Variants in YBX3 observed in about 807,000 individuals in gnomAD.
The protein encoded by YBX3 is Y-box binding protein 3.
In YBX3, 29 loss-of-function variants were observed where a neutral mutation model predicts 42.4. The observed-to-expected ratio is 0.68, with a 90% CI of 0.51 to 0.93. The LOEUF (loss-of-function observed/expected upper bound fraction) is 0.93, where lower values mean the gene tolerates loss of function less well. Among genes scored for constraint, YBX3 ranks in the 40% least tolerant of loss-of-function variants. The pLI is 0.00. For missense variants in YBX3, 517 were observed against 527.5 expected (o/e 0.98, Z 0.19); for synonymous variants, 195 against 189.8 (o/e 1.03, Z -0.22).
At chr12:10,722,266 G>A (rs1948335545) in intron 1 of YBX3, 1 of 152,278 alleles carries the variant, frequency 6.6e-6, no homozygotes, top group African/African-American at 2.4e-5. Context: ...GTGGCCAACA[G>A]GAGCATGGCG....
chr12:10,713,265 A>G lies in YBX3; in HGVS notation c.519T>C (p.Asp173=), dbSNP rs1449464611. The G allele has an allele frequency of 1.2e-6, 2 of 1,614,008 alleles. No individual in the cohort carries two copies. The highest frequency in any genetic ancestry group is 1.7e-6 in the Non-Finnish European group (2 of 1,180,010). ...VPVEGSRYAA[D]RRRYRRGYYG... is the part of the protein sequence containing the mutation. Reference sequence around the variant, plus strand: ...AGTAGCCACGTCTGTAACGGCGCCGATCTGCAGCGTAACGACTCCCTTCCA... The same window carrying G: ...AGTAGCCACGTCTGTAACGGCGCCGGTCTGCAGCGTAACGACTCCCTTCCA... The change falls in exon 5 of 10, where the codon GAT becomes GAC. Residue 173 remains aspartate, a synonymous_variant. Coordinates refer to ENST00000228251, the MANE Select transcript of YBX3 (RefSeq NM_003651.5).
chr12:10,711,123 T>C (rs985301112), intron 5 of YBX3: 2 of 152,070 alleles, frequency 1.3e-5, no homozygotes. Context: ...CTTATTAATA[T>C]TCACAAAGGA....
chr12:10,701,133 A>T, intron 9 of YBX3, 121 bp downstream of exon 9: 1 of 617,604 alleles, frequency 1.6e-6, no homozygotes. Context: ...GTCCCAATAG[A>T]GACAAGGGGT....
chr12:10,711,630 A>G (rs1450329404), intron 5 of YBX3: 1 of 152,220 alleles, frequency 6.6e-6, no homozygotes, highest in Non-Finnish European at 1.5e-5. Flanking sequence ...AAAGCATAAT[A>G]ATGGCACCAG....
intron 7 of YBX3, 35 bp downstream of exon 7, chr12:10,704,015 TC>T: frequency 1.3e-6 from 2 of 1,587,994 alleles, no homozygotes; most frequent in East Asian, 4.5e-5. Flanking sequence ...TGCACACAAG[TC>T]CTTTAACTGG....
chr12:10,703,580 C>T (rs565456688), intron 7 of YBX3: 14 of 440,148 alleles, frequency 3.2e-5, no homozygotes, highest in Non-Finnish European at 6.3e-5. Flanking sequence ...CACTCTGTTG[C>T]GCAGGCTGGA....
chr12:10,717,137 A>G (rs989041096), intron 3 of YBX3, among the ~76,000 whole-genome samples: 4 of 152,236 alleles, frequency 2.6e-5, no homozygotes, highest in African/African-American at 9.6e-5. Context: ...ATATCCAGTC[A>G]AGTAGAAATA....
intron 5 of YBX3, 85 bp from the exon 6 acceptor site, chr12:10,710,199 A>C: frequency 2.6e-6 from 4 of 1,542,822 alleles, no homozygotes; most frequent in Non-Finnish European, 3.5e-6. Context: ...ATATCACCAA[A>C]ATAAAATCTC....
intron 6 of YBX3, among the ~76,000 whole-genome samples, chr12:10,708,838 T>C (rs938470502): frequency 1.5e-4 from 23 of 152,364 alleles, no homozygotes; most frequent in African/African-American, 5.5e-4. Context: ...GCAAACGTGA[T>C]ATATGTTGTA....
At chr12:10,716,394 T>A (rs1948262800) in intron 3 of YBX3, among the ~76,000 whole-genome samples, 1 of 152,176 alleles carries the variant, frequency 6.6e-6, no homozygotes, top group Non-Finnish European at 1.5e-5. Flanking sequence ...ATCCCTGTAC[T>A]CTACCTATAT....
At chr12:10,706,939 C>T (rs1479635508) in intron 6 of YBX3, among the ~76,000 whole-genome samples, 1 of 152,048 alleles carries the variant, frequency 6.6e-6, no homozygotes, top group African/African-American at 2.4e-5. Flanking sequence ...ATGGCATGAA[C>T]CCAGGAGATG....
chr12:10,722,731 C>T, intron 1 of YBX3, 119 bp downstream of exon 1: 2 of 954,414 alleles, frequency 2.1e-6, no homozygotes, highest in Non-Finnish European at 2.7e-6. Context: ...CCTGGGGACC[C>T]TGTGCTGTCA....
rs775987486 is a variant in YBX3 at position 10,710,030 on chromosome 12, G to A, written c.658C>T (p.Arg220Trp). The A allele has an allele frequency of 5.0e-6, 8 of 1,614,020 alleles. No individual in the cohort carries two copies. Among genetic ancestry groups the A allele is most frequent in the Admixed American group, 1.7e-5 (1 of 59,994 alleles). Residue 220 changes from arginine (R) to tryptophan (W), a missense_variant, in exon 6 of 10, where the codon CGG becomes TGG. This residue lies in a region of YBX3 where 420 missense variants were observed against 408.5 expected (regional missense o/e 1.03). Transcript: ENST00000228251. ...PATDRQFSGA[R>W]NQLRRPQYRP... ...TACTGGGGGCGGCGCAGCTGATTCC[G>A]GGCCCCAGAGAACTGCCTATCAGTG...
chr12:10,716,002 G>A, intron 3 of YBX3: 1 of 517,478 alleles, frequency 1.9e-6, no homozygotes. Context: ...CATCTTGACA[G>A]GTGGATTAAA....
Position 10,709,966 on chromosome 12 carries a change from TG to T in YBX3, c.721del (p.His241ThrfsTer27). The part of the protein sequence containing the change: ...QYRQRRFPPY[H>X]VGQTFDRRSR... ...GCGACGGTCAAAGGTCTGTCCCACG[TG>T]GTAAGGCGGGAACCGCCGCTGCCGG... On this transcript the variant is annotated frameshift_variant, in exon 6 of 10. Coordinates refer to ENST00000228251, the MANE Select transcript of YBX3 (RefSeq NM_003651.5). LOFTEE classifies it high-confidence loss of function. The T allele has an allele frequency of 6.2e-7, 1 of 1,614,038 alleles. No individual in the cohort carries two copies. Among genetic ancestry groups the T allele is most frequent in the African/African-American group, 1.3e-5 (1 of 75,050 alleles).
intron 4 of YBX3, among the ~76,000 whole-genome samples, chr12:10,715,100 C>A (rs567939406): frequency 1.3e-5 from 2 of 152,018 alleles, no homozygotes; most frequent in African/African-American, 4.8e-5. Context: ...AAATTTTAAT[C>A]TGCATTTCGA....
At position 10,703,814 on chromosome 12, in the gene YBX3, T is replaced by C. The variant is rs1948107298; in HGVS notation, c.878+237A>G. ...ATTTTGATAAAAATTAAGTATTAATTTACATCTTATTATAATTCCAGAATA... is the reference window on the plus strand; with the variant it reads ...ATTTTGATAAAAATTAAGTATTAATCTACATCTTATTATAATTCCAGAATA... On this transcript the variant is annotated intron_variant, in intron 7 of 9. Coordinates refer to ENST00000228251, the MANE Select transcript of YBX3 (RefSeq NM_003651.5). 7 of 469,724 alleles carry C rather than the reference T, an allele frequency of 1.5e-5. 1 individual carries two copies. The highest frequency in any genetic ancestry group is 2.7e-5 in the Non-Finnish European group (7 of 261,874). 29.1% of individuals were successfully genotyped at this position (469,724 alleles called of 1,614,324 possible). A position where few individuals can be genotyped will look rare whatever the true frequency, so the allele number is the denominator to read the frequency against.
intron 1 of YBX3, among the ~76,000 whole-genome samples, 194 bp downstream of exon 1, chr12:10,722,656 T>C (rs1053536980): frequency 1.3e-5 from 2 of 152,168 alleles, no homozygotes; most frequent in Non-Finnish European, 2.9e-5. Flanking sequence ...CGCGCTCACC[T>C]GGGAGCGCCG....
chr12:10,700,462 T>TA (rs1022326960), intron 9 of YBX3, among the ~76,000 whole-genome samples: 42 of 150,902 alleles, frequency 2.8e-4, no homozygotes, highest in African/African-American at 6.3e-4. Flanking sequence ...GGTTATAGGT[T>TA]AAAAAAAAAC....
Sources: allele counts gnomAD v4.1 joint callset (sites outside exome capture counted in the v4.1 genomes callset), GRCh38; gene constraint gnomAD v4.1.1; regional missense constraint gnomAD v4.1.1; transcripts MANE v1.5; gene names NCBI Gene and HGNC (gene_info 2026-07-23, HGNC 2026-07-21).